POC1A: variants seen among roughly 807,000 people sequenced by gnomAD.
The protein encoded by POC1A is POC1 centriolar protein homolog A.
Under a neutral mutation model 47.8 loss-of-function variants are expected in POC1A, and 34 were observed. That is an observed-to-expected ratio of 0.71 (90% CI 0.54 to 0.95). The LOEUF (loss-of-function observed/expected upper bound fraction) is 0.95, where lower values mean the gene tolerates loss of function less well. Among genes scored for constraint, POC1A ranks in the 40% least tolerant of loss-of-function variants. The pLI is 0.00. For synonymous variants in POC1A, 177 were observed against 207.6 expected, an observed-to-expected ratio of 0.85 and a Z score of 1.27; for missense variants, 466 against 528.3, an observed-to-expected ratio of 0.88 and a Z score of 1.16.
Position 52,075,908 on chromosome 3 carries a change from GA to G in POC1A, c.1202del (p.Ile401ThrfsTer33). 1 of 1,613,630 alleles carries G rather than the reference GA, an allele frequency of 6.2e-7. No individual in the cohort carries two copies. Among genetic ancestry groups the G allele is most frequent in the Non-Finnish European group, 8.5e-7 (1 of 1,179,576 alleles). On this transcript the variant is annotated frameshift_variant, in exon 11 of 11. Coordinates refer to ENST00000296484, the MANE Select transcript of POC1A (RefSeq NM_015426.5). LOFTEE classifies it high-confidence loss of function. ...CTGATCATGGTGTTGCTCTCTGCAT[GA>G]TTAGCTGCTGGTTCTCCAGACACTG... ...LKQCLENQQLIMQRATP is the reference protein window; with the variant it reads ...LKQCLENQQLXMQRATP
chr3:52,139,999 T>C (rs1174942687), intron 6 of POC1A, among the ~76,000 whole-genome samples: 1 of 152,156 alleles, frequency 6.6e-6, no homozygotes, highest in East Asian at 1.9e-4. Flanking sequence ...AAAATAACCA[T>C]GACCCTGCCA....
rs531817608 is a variant in POC1A at position 52,078,503 on chromosome 3, CTTTTTTT to C, written c.1126-2525_1126-2519del. Among the ~76,000 whole-genome samples, 754 of 113,522 alleles carry C rather than the reference CTTTTTTT, an allele frequency of 6.6e-3. 8 individuals are homozygous for C. Among genetic ancestry groups the C allele is most frequent in the African/African-American group, 0.022 (629 of 29,184 alleles). 74.5% of individuals were successfully genotyped at this position (113,522 alleles called of 152,430 possible). ...CATAGACAGTGAAACATGGAAATCTCTTTTTTTTTTTTTTTTTTTTTTTTTAAGACTG... is the reference window on the plus strand; with the variant it reads ...CATAGACAGTGAAACATGGAAATCTCTTTTTTTTTTTTTTTTTTAAGACTG... On this transcript the variant is annotated intron_variant, in intron 10 of 10. Coordinates refer to ENST00000296484, the MANE Select transcript of POC1A (RefSeq NM_015426.5).
intron 6 of POC1A, among the ~76,000 whole-genome samples, chr3:52,142,504 AG>A (rs1467282344): frequency 6.6e-6 from 1 of 152,234 alleles, no homozygotes; most frequent in Non-Finnish European, 1.5e-5. Flanking sequence ...TAGCAGGAAC[AG>A]GAAGTGCCCT....
At chr3:52,117,160 C>CCTG (rs1205902896) in intron 9 of POC1A, among the ~76,000 whole-genome samples, 3 of 151,858 alleles carry the variant, frequency 2.0e-5, no homozygotes, top group Admixed American at 2.0e-4. Context: ...TGCACTCCAG[C>CCTG]CTGGGTGACA....
chr3:52,113,881 G>A (rs995229896), intron 9 of POC1A, among the ~76,000 whole-genome samples: 2 of 152,192 alleles, frequency 1.3e-5, no homozygotes, highest in Non-Finnish European at 2.9e-5. Context: ...AGTATGAAAG[G>A]GGGCATCTTA....
chr3:52,154,311 G>A, intron 1 of POC1A, 44 bp downstream of exon 1: 1 of 1,547,846 alleles, frequency 6.5e-7, no homozygotes, highest in Non-Finnish European at 8.7e-7. Context: ...CAGTGTCCCA[G>A]CGGGGAGACT....
In POC1A at chr3:52,142,014, G is replaced by A. The variant is rs552952842; in HGVS notation, c.680-3712C>T. Among the ~76,000 whole-genome samples, 8 of 152,298 alleles carry A rather than the reference G, an allele frequency of 5.3e-5. No individual in the cohort carries two copies. The East Asian group carries it at 7.7e-4, about 15-fold the overall frequency. On this transcript the variant is annotated intron_variant, in intron 6 of 10. Transcript: ENST00000296484. ...TGAAGAGTAAATGACTAGAGTCACC[G>A]AAGTGCAAGGAACCGAGCGTGAGCC...
chr3:52,085,187 G>A (rs1048335296), intron 10 of POC1A, among the ~76,000 whole-genome samples: 1 of 152,142 alleles, frequency 6.6e-6, no homozygotes, highest in Admixed American at 6.5e-5. Context: ...CCACATCAGG[G>A]CTCTGCCCTC....
chr3:52,148,787 G>C lies in POC1A; in HGVS notation c.455+423C>G, dbSNP rs543414547. On this transcript the variant is annotated intron_variant, in intron 4 of 10. Transcript: ENST00000296484. ...AGACCCACCGTGTGCTCTGGGACAA[G>C]ATACTACTGTTCTGAGCCCCCATTT... Among the ~76,000 whole-genome samples, 3 of 152,366 alleles carry C rather than the reference G, an allele frequency of 2.0e-5. No homozygotes were observed. In the South Asian group the frequency reaches 6.2e-4, roughly 32 times the overall value.
intron 9 of POC1A, among the ~76,000 whole-genome samples, chr3:52,114,721 C>G (rs1445877756): frequency 2.0e-5 from 3 of 152,120 alleles, no homozygotes; most frequent in Non-Finnish European, 4.4e-5. Flanking sequence ...AATGAATTTC[C>G]CCCAGGAGCC....
rs542996003 is a variant in POC1A, at chr3:52,134,055, T to C, written c.813+4114A>G. Among the ~76,000 whole-genome samples the C allele has an allele frequency of 4.3e-4, 65 of 152,290 alleles. 1 individual carries two copies. The highest frequency in any genetic ancestry group is 1.4e-3 in the African/African-American group (60 of 41,558). The stretch of plus-strand genomic sequence containing the variant: ...CTTCTGTTGGATCAGAATGGGGTCA[T>C]GTAGCAGCAAGATGGGGACACAAGC... On this transcript the variant is annotated intron_variant, in intron 7 of 10. Coordinates refer to ENST00000296484, the MANE Select transcript of POC1A (RefSeq NM_015426.5).
intron 10 of POC1A, among the ~76,000 whole-genome samples, chr3:52,089,557 A>G (rs1702575966): frequency 6.6e-6 from 1 of 152,138 alleles, no homozygotes; most frequent in South Asian, 2.1e-4. Context: ...TGAGCTGGCT[A>G]GATGTGCTGA....
At chr3:52,106,025 T>C (rs1428999369) in intron 9 of POC1A, among the ~76,000 whole-genome samples, 1 of 151,698 alleles carries the variant, frequency 6.6e-6, no homozygotes, top group East Asian at 1.9e-4. Context: ...AAACCCCGTT[T>C]CTACTAAAAA....
intron 3 of POC1A, 130 bp downstream of exon 3, chr3:52,149,686 G>A (rs1352292435): frequency 4.5e-6 from 4 of 882,018 alleles, no homozygotes; most frequent in Non-Finnish European, 7.0e-6. Flanking sequence ...GCCTCTGATG[G>A]CACCTCTTCC....
chr3:52,140,816 C>G (rs543515707), intron 6 of POC1A, among the ~76,000 whole-genome samples: 1 of 151,526 alleles, frequency 6.6e-6, no homozygotes, highest in African/African-American at 2.4e-5. Flanking sequence ...TGGTGGGGAG[C>G]GGGTAGTCTA....
intron 10 of POC1A, among the ~76,000 whole-genome samples, chr3:52,092,554 T>A (rs1303127099): frequency 6.6e-6 from 1 of 152,024 alleles, no homozygotes; most frequent in Non-Finnish European, 1.5e-5. Flanking sequence ...TAAAGTGAGG[T>A]CCACAAAGGG....
chr3:52,119,046 C>T (rs945049166), intron 9 of POC1A, among the ~76,000 whole-genome samples: 96 of 151,558 alleles, frequency 6.3e-4, no homozygotes, highest in African/African-American at 2.1e-3. Flanking sequence ...CAGAAGACTG[C>T]GACCAAATGA....
At chr3:52,077,216 G>A (rs1173816436) in intron 10 of POC1A, among the ~76,000 whole-genome samples, 1 of 152,276 alleles carries the variant, frequency 6.6e-6, no homozygotes, top group Non-Finnish European at 1.5e-5. Flanking sequence ...TAGGCATCAG[G>A]AGGGTCAGAT....
intron 6 of POC1A, among the ~76,000 whole-genome samples, chr3:52,141,117 T>C (rs1481091353): frequency 1.3e-5 from 2 of 152,170 alleles, no homozygotes; most frequent in African/African-American, 4.8e-5. Context: ...ATCAAACTTC[T>C]ACAGATCCTC....
Sources: allele counts gnomAD v4.1 joint callset (sites outside exome capture counted in the v4.1 genomes callset), GRCh38; gene constraint gnomAD v4.1.1; transcripts MANE v1.5; gene names NCBI Gene and HGNC (gene_info 2026-07-23, HGNC 2026-07-21).